The following LAMC3 variants were observed in gnomAD, a reference collection of about 807,000 sequenced individuals.
LAMC3 encodes the protein laminin subunit gamma-3.
A neutral mutation model predicts 173.8 loss-of-function variants in LAMC3; 128 were observed. The ratio of observed to expected loss-of-function variants is 0.74; its 90% CI spans 0.64 to 0.85. The LOEUF (loss-of-function observed/expected upper bound fraction) is 0.85. Among genes scored for constraint, LAMC3 ranks in the 40% least tolerant of loss-of-function variants. The probability of loss-of-function intolerance (pLI) is 0.00; values close to 1 mark genes in which losing one functional copy is unlikely to be tolerated. For synonymous variants in LAMC3, 897 were observed against 909.1 expected (o/e 0.99, Z 0.24); for missense variants, 2,022 against 2,156.0 (o/e 0.94, Z 1.23).
rs1320003190 is a variant in LAMC3, at chr9:131,093,235, G to C, written c.*1448G>C. The C allele has an allele frequency of 6.6e-6, 1 of 152,210 alleles. No individual in the cohort carries two copies. The highest frequency in any genetic ancestry group is 1.5e-5 in the Non-Finnish European group (1 of 68,080). The allele number at this position is 152,210 out of a possible 1,614,324, so 9.4% of individuals were successfully genotyped here. ...CCCATTAGAGGGCTTTGCTGGGGTT[G>C]TGTGATCACAGGTACCTACCCTGTC... is the stretch of plus-strand genomic sequence containing the variant. On this transcript the variant is annotated 3_prime_UTR_variant, in exon 28 of 28. Transcript: ENST00000361069.
At chr9:131,037,078 CG>C (rs1588145201) in intron 4 of LAMC3, among the ~76,000 whole-genome samples, 1 of 152,324 alleles carries the variant, frequency 6.6e-6, no homozygotes, top group East Asian at 1.9e-4. Context: ...GGGGCTGGGC[CG>C]GGGGCGGCTT....
chr9:131,031,523 C>A (rs955822422), intron 2 of LAMC3, among the ~76,000 whole-genome samples: 1 of 152,176 alleles, frequency 6.6e-6, no homozygotes, highest in African/African-American at 2.4e-5. Context: ...CCAAGAAACC[C>A]GGGGCCAGCT....
intron 1 of LAMC3, among the ~76,000 whole-genome samples, chr9:131,012,995 G>A (rs1833451731): frequency 6.6e-6 from 1 of 152,252 alleles, no homozygotes; most frequent in Admixed American, 6.5e-5. Flanking sequence ...CAAGGCCCAG[G>A]GAGGCCACGG....
intron 15 of LAMC3, 136 bp from the exon 16 acceptor site, chr9:131,068,772 T>C (rs1341889142): frequency 7.2e-6 from 6 of 836,866 alleles, no homozygotes; most frequent in Non-Finnish European, 1.1e-5. Context: ...GGGGAAGCTG[T>C]GCCATGCACC....
chr9:131,046,804 G>T (rs529807307), intron 8 of LAMC3, among the ~76,000 whole-genome samples: 1 of 152,034 alleles, frequency 6.6e-6, no homozygotes, highest in Non-Finnish European at 1.5e-5. Flanking sequence ...CCCACGGAGC[G>T]CCCCGCACCT....
chr9:131,052,906 G>A lies in LAMC3; in HGVS notation c.1880G>A (p.Arg627Gln). ...APPLPPFHFQ[R>Q]LLANLTSLRL... ...CCACTGCCCCCCTTCCACTTCCAGC[G>A]GCTCCTCGCCAACCTGACCAGCCTC... Residue 627 changes from arginine to glutamine, a missense_variant, in exon 11 of 28, where the codon CGG becomes CAG. Transcript: ENST00000361069. The A allele has an allele frequency of 4.3e-6, 7 of 1,613,686 alleles. No individual in the cohort carries two copies. Among genetic ancestry groups the A allele is most frequent in the Non-Finnish European group, 5.9e-6 (7 of 1,179,994 alleles).
chr9:131,062,610 T>C (rs1394741447), intron 13 of LAMC3, among the ~76,000 whole-genome samples: 1 of 152,138 alleles, frequency 6.6e-6, no homozygotes, highest in Non-Finnish European at 1.5e-5. Flanking sequence ...GGCTCATGCC[T>C]GTAATCTCAG....
intron 8 of LAMC3, among the ~76,000 whole-genome samples, chr9:131,047,261 T>G (rs558122532): frequency 0.028 from 1,167 of 41,918 alleles, 9 homozygotes; most frequent in Admixed American, 0.052. Context: ...GCCTCCCAGG[T>G]TCAAGTGATT....
At chr9:131,061,262 G>T (rs765944877) in intron 13 of LAMC3, 39 bp downstream of exon 13, 33 of 1,545,568 alleles carry the variant, frequency 2.1e-5, no homozygotes, top group Non-Finnish European at 2.6e-5. Flanking sequence ...CCCGCAGAGG[G>T]CCAAGCCCCG....
rs568997727 is a variant in LAMC3, at chr9:131,046,222, T to C, written c.1519+562T>C. 4.7e-4 allele frequency among the ~76,000 whole-genome samples: 67 copies of C among 143,176 alleles called. 1 individual carries two copies. The highest frequency in any genetic ancestry group is 1.7e-3 in the African/African-American group (65 of 37,840). 93.9% of individuals were successfully genotyped at this position (143,176 alleles called of 152,430 possible). ...TTTTTTTTTTTTTGGACACAGGGTC[T>C]TGCTGAGTCACCAAGGCTGAAGTGC... is the stretch of plus-strand genomic sequence containing the variant. On this transcript the variant is annotated intron_variant, in intron 8 of 27. Transcript: ENST00000361069.
chr9:131,012,484 G>C (rs1017909662), intron 1 of LAMC3, among the ~76,000 whole-genome samples: 1 of 152,252 alleles, frequency 6.6e-6, no homozygotes, highest in African/African-American at 2.4e-5. Context: ...CCCTTGCGGG[G>C]ATTGAGAAAT....
chr9:131,087,412 A>G, intron 25 of LAMC3, 64 bp from the exon 26 acceptor site: 1 of 1,594,768 alleles, frequency 6.3e-7, no homozygotes, highest in Non-Finnish European at 8.6e-7. Context: ...CATAAGAGCT[A>G]TTTACCTCCA....
At chr9:131,036,756 G>A (rs897147909) in intron 4 of LAMC3, among the ~76,000 whole-genome samples, 6 of 152,204 alleles carry the variant, frequency 3.9e-5, no homozygotes, top group Non-Finnish European at 7.3e-5. Context: ...ATGTGGCTTT[G>A]ACCACCTAAC....
chr9:131,010,491 T>G (rs1244481123), intron 1 of LAMC3, among the ~76,000 whole-genome samples: 1 of 152,328 alleles, frequency 6.6e-6, no homozygotes, highest in East Asian at 1.9e-4. Context: ...TGGTTTTCCA[T>G]CCTAGACCAG....
At chr9:131,038,611 T>C (rs1018281630) in intron 4 of LAMC3, among the ~76,000 whole-genome samples, 2 of 152,102 alleles carry the variant, frequency 1.3e-5, no homozygotes, top group African/African-American at 2.4e-5. Context: ...CCTGGGATGG[T>C]CTTCTTTCTG....
rs1830033956 is a variant in LAMC3 at position 131,071,447 on chromosome 9, A to G, written c.3070-37A>G. 3.1e-6 allele frequency: 5 copies of G among 1,602,190 alleles called. No individual in the cohort carries two copies. The African/African-American group carries it at 5.4e-5, about 17-fold the overall frequency. ...AGTGTCTGGGCAGGACCTCCATGCC[A>G]CCAGCCTCATACACCTTTTCTTCCT... On this transcript the variant is annotated intron_variant, in intron 17 of 27. Transcript: ENST00000361069.
At chr9:131,051,389 G>A (rs1165785920) in intron 9 of LAMC3, among the ~76,000 whole-genome samples, 5 of 129,380 alleles carry the variant, frequency 3.9e-5, no homozygotes, top group Non-Finnish European at 6.3e-5. Flanking sequence ...TTTTGAGACG[G>A]AGTCTTGCTC....
At chr9:131,074,046 G>A (rs1329591136) in intron 20 of LAMC3, among the ~76,000 whole-genome samples, 14 of 146,484 alleles carry the variant, frequency 9.6e-5, no homozygotes, top group South Asian at 2.2e-4. Flanking sequence ...TCCCGGGTTC[G>A]TGCCATTCTC....
In LAMC3 at chr9:131,009,431, C is replaced by A; in HGVS notation, c.217C>A (p.His73Asn). ...PHVGAAGAGAHCQRCDAADPQ... is the reference protein window; with the variant it reads ...PHVGAAGAGANCQRCDAADPQ... ...CGTGGGCGCCGCGGGCGCGGGGGCT[C>A]ATTGCCAGCGCTGCGACGCCGCCGA... Residue 73 changes from histidine to asparagine, a missense_variant, in exon 1 of 28, where the codon CAT becomes AAT. Coordinates refer to ENST00000361069, the MANE Select transcript of LAMC3 (RefSeq NM_006059.4). The surrounding 1 kb of genome is among the most constrained non-coding windows in gnomAD (Gnocchi z 4.3). 1.9e-6 allele frequency: 3 copies of A among 1,543,372 alleles called. No individual in the cohort carries two copies. Among genetic ancestry groups the A allele is most frequent in the Non-Finnish European group, 2.6e-6 (3 of 1,145,540 alleles).
Sources: allele counts gnomAD v4.1 joint callset (sites outside exome capture counted in the v4.1 genomes callset), GRCh38; gene constraint gnomAD v4.1.1; non-coding constraint Gnocchi (gnomAD v3.1); transcripts MANE v1.5; gene names NCBI Gene and HGNC (gene_info 2026-07-23, HGNC 2026-07-21).